The following CLIP4 variants were observed in gnomAD, a reference collection of about 807,000 sequenced individuals.
CLIP4 encodes CAP-Gly domain-containing linker protein 4.
CLIP4 carries 47 observed loss-of-function variants against 73.1 expected under a neutral mutation model. The observed-to-expected ratio is 0.64, with a 90% CI of 0.51 to 0.82. The LOEUF (loss-of-function observed/expected upper bound fraction) is 0.82, where lower values mean the gene tolerates loss of function less well. CLIP4 is among the 40% of genes least tolerant of loss of function. CLIP4 has a pLI of 0.00. For missense variants in CLIP4, 874 were observed against 852.9 expected, an observed-to-expected ratio of 1.02 and a Z score of -0.31; for synonymous variants, 306 against 295.4, an observed-to-expected ratio of 1.04 and a Z score of -0.37.
chr2:29,142,968 C>A (rs1356290211), intron 6 of CLIP4, among the ~76,000 whole-genome samples: 1 of 152,200 alleles, frequency 6.6e-6, no homozygotes, highest in Non-Finnish European at 1.5e-5. Context: ...TCCCAGGATA[C>A]AGTCTTTCTG....
At chr2:29,118,840 A>T (rs191875672) in intron 1 of CLIP4, among the ~76,000 whole-genome samples, 2,217 of 152,134 alleles carry the variant, frequency 0.015, 53 homozygotes, top group African/African-American at 0.05. Context: ...ATATATATAT[A>T]TTTTTAACCT....
chr2:29,147,713 C>G (rs1666265439), intron 8 of CLIP4, among the ~76,000 whole-genome samples: 1 of 151,896 alleles, frequency 6.6e-6, no homozygotes, highest in South Asian at 2.1e-4. Flanking sequence ...ATTCAAAATC[C>G]TCTCTTTTAG....
rs1424545187 is a variant in CLIP4, at chr2:29,163,966, A to C, written c.1658+12A>C. On this transcript the variant is annotated intron_variant, in intron 13 of 15. Coordinates refer to ENST00000320081, the MANE Select transcript of CLIP4 (RefSeq NM_024692.6). ...TCCAGGGTGCAAAGGTGAGAGAATGAAATTTATGTTTATTTACAGAAACTT... is the reference window on the plus strand; with the variant it reads ...TCCAGGGTGCAAAGGTGAGAGAATGCAATTTATGTTTATTTACAGAAACTT... The C allele has an allele frequency of 6.2e-7, 1 of 1,606,672 alleles. No individual in the cohort carries two copies. The highest frequency in any genetic ancestry group is 8.5e-7 in the Non-Finnish European group (1 of 1,176,920).
intron 1 of CLIP4, among the ~76,000 whole-genome samples, chr2:29,101,285 T>TC (rs1558501558): frequency 1.9e-4 from 27 of 143,722 alleles, no homozygotes; most frequent in East Asian, 1.2e-3. Context: ...CTTTTTTTTT[T>TC]TCCCCCCCCC....
chr2:29,105,911 A>G (rs1200504048), intron 1 of CLIP4, among the ~76,000 whole-genome samples: 1 of 152,218 alleles, frequency 6.6e-6, no homozygotes, highest in African/African-American at 2.4e-5. Context: ...TCTGTTGTTT[A>G]TAAGCCACTT....
intron 2 of CLIP4, among the ~76,000 whole-genome samples, chr2:29,123,586 A>G (rs1370863335): frequency 1.3e-5 from 2 of 152,206 alleles, no homozygotes; most frequent in African/African-American, 4.8e-5. Context: ...GAAGTGTTCC[A>G]GGAAGGAAAA....
intron 1 of CLIP4, among the ~76,000 whole-genome samples, chr2:29,107,362 T>TTTTTG (rs1558504916): frequency 1.3e-5 from 1 of 74,988 alleles, no homozygotes; most frequent in African/African-American, 6.8e-5. Flanking sequence ...ATGATAGTTT[T>TTTTTG]TTTTTTTTTT....
At chr2:29,141,747 C>CT (rs1228646863) in intron 6 of CLIP4, among the ~76,000 whole-genome samples, 102 of 151,688 alleles carry the variant, frequency 6.7e-4, no homozygotes, top group African/African-American at 2.1e-3. Context: ...AAGGACAAGT[C>CT]TTCTTTTTTT....
intron 1 of CLIP4, among the ~76,000 whole-genome samples, chr2:29,100,791 A>G (rs999720318): frequency 6.6e-6 from 1 of 151,998 alleles, no homozygotes; most frequent in Non-Finnish European, 1.5e-5. Context: ...GGCTTAGCAC[A>G]TATCACATTG....
chr2:29,144,583 A>T (rs1480556047), intron 7 of CLIP4, among the ~76,000 whole-genome samples: 1 of 151,948 alleles, frequency 6.6e-6, no homozygotes, highest in Non-Finnish European at 1.5e-5. Flanking sequence ...CATGCACAGA[A>T]CATGCAGGTT....
intron 14 of CLIP4, 198 bp downstream of exon 14, chr2:29,167,738 C>T: frequency 2.4e-6 from 1 of 422,234 alleles, no homozygotes; most frequent in Admixed American, 4.3e-5. Flanking sequence ...CCCTGAGTAC[C>T]CCATCCCATC....
At chr2:29,117,627 T>C (rs1663955647) in intron 1 of CLIP4, among the ~76,000 whole-genome samples, 1 of 152,250 alleles carries the variant, frequency 6.6e-6, no homozygotes, top group African/African-American at 2.4e-5. Flanking sequence ...CCACTGCACC[T>C]GGCCAATTTT....
Position 29,115,431 on chromosome 2 carries a change from C to T in CLIP4, c.-250C>T, listed in dbSNP as rs1663714728. On this transcript the variant is annotated 5_prime_UTR_variant, in exon 1 of 16. Coordinates refer to ENST00000320081, the MANE Select transcript of CLIP4 (RefSeq NM_024692.6). This position sits in a 1 kb window ranked among gnomAD's most constrained non-coding sequence, Gnocchi z 5.1. ...GCCTCCTCCGTCCCCACCGAGTCCC[C>T]AGCGCGTGCGCGGGGCCGTGGCCGA... 1 of 150,448 alleles carries T rather than the reference C, an allele frequency of 6.6e-6. No homozygotes were observed. The highest frequency in any genetic ancestry group is 6.6e-5 in the Admixed American group (1 of 15,094). The allele number at this position is 150,448 out of a possible 1,614,324, so 9.3% of individuals were successfully genotyped here. A position where few individuals can be genotyped will look rare whatever the true frequency, so the allele number is the denominator to read the frequency against.
chr2:29,116,020 C>T (rs1308738734), intron 1 of CLIP4, among the ~76,000 whole-genome samples: 1 of 152,210 alleles, frequency 6.6e-6, no homozygotes, highest in Non-Finnish European at 1.5e-5. Flanking sequence ...AGAGTCCCCG[C>T]ACGCGCAGTG....
At chr2:29,125,496 C>T (rs764312591) in intron 2 of CLIP4, among the ~76,000 whole-genome samples, 3 of 152,166 alleles carry the variant, frequency 2.0e-5, no homozygotes, top group Non-Finnish European at 4.4e-5. Flanking sequence ...TTAGCTCTGT[C>T]TCCTCGACTC....
chr2:29,104,826 C>A (rs549313412), intron 1 of CLIP4, among the ~76,000 whole-genome samples: 3 of 152,262 alleles, frequency 2.0e-5, no homozygotes, highest in Admixed American at 1.3e-4. Flanking sequence ...ACAAGCTGAG[C>A]CTTGAGAGGC....
chr2:29,116,619 A>G lies in CLIP4; in HGVS notation c.-16+954A>G, dbSNP rs184939767. On this transcript the variant is annotated intron_variant, in intron 1 of 15. Coordinates refer to ENST00000320081, the MANE Select transcript of CLIP4 (RefSeq NM_024692.6). Reference sequence around the variant, plus strand: ...ATTGAGCAACTGGGGAGGAAAGCAGAGACTTGAACCTGCTGGAGTCTAGTT... The same window carrying G: ...ATTGAGCAACTGGGGAGGAAAGCAGGGACTTGAACCTGCTGGAGTCTAGTT... Among the ~76,000 whole-genome samples the G allele has an allele frequency of 8.4e-4, 128 of 152,342 alleles. No individual in the cohort carries two copies. The South Asian group carries it at 0.012, about 14-fold the overall frequency.
chr2:29,136,472 T>G (rs1159930580), intron 6 of CLIP4, among the ~76,000 whole-genome samples: 1 of 152,118 alleles, frequency 6.6e-6, no homozygotes, highest in Non-Finnish European at 1.5e-5. Flanking sequence ...TATTGGTTAT[T>G]GGGCACTGGG....
intron 6 of CLIP4, among the ~76,000 whole-genome samples, chr2:29,136,253 G>A (rs972309338): frequency 2.0e-5 from 3 of 151,536 alleles, no homozygotes; most frequent in African/African-American, 7.3e-5. Context: ...ACTCGCTCTG[G>A]CAGGTATTCT....
Sources: gnomAD v4.1 joint callset for allele counts (sites outside exome capture counted in the v4.1 genomes callset) on GRCh38, gnomAD v4.1.1 for gene constraint, Gnocchi (gnomAD v3.1) non-coding constraint, MANE v1.5 for transcripts, NCBI Gene and HGNC (gene_info 2026-07-23, HGNC 2026-07-21) for gene names.